PCDHA6: variants seen among roughly 807,000 people sequenced by gnomAD.
The protein encoded by PCDHA6 is protocadherin alpha-6.
In PCDHA6, 55 loss-of-function variants were observed where a neutral mutation model predicts 60.3. That is an observed-to-expected ratio of 0.91 (90% CI 0.73 to 1.14). PCDHA6 has a LOEUF of 1.14. Ranked by LOEUF, PCDHA6 falls within the 50% of genes most tolerant of loss-of-function variation. The probability of loss-of-function intolerance (pLI) is 0.00; values close to 1 mark genes in which losing one functional copy is unlikely to be tolerated. For synonymous variants in PCDHA6, 652 were observed against 557.9 expected (o/e 1.17, Z -2.38); for missense variants, 1,327 against 1,256.5 (o/e 1.06, Z -0.85).
At chr5:140,858,165 C>G in intron 1 of PCDHA6, 1 of 1,597,786 alleles carries the variant, frequency 6.3e-7, no homozygotes, top group Non-Finnish European at 8.6e-7. Flanking sequence ...TGCGCGGTGT[C>G]CAGCTTGCTG....
intron 3 of PCDHA6, among the ~76,000 whole-genome samples, chr5:140,997,125 A>C (rs2097760835): frequency 6.6e-6 from 1 of 152,072 alleles, no homozygotes; most frequent in Admixed American, 6.6e-5. Context: ...CCACATACAC[A>C]ATGCCCCCAC....
At position 140,868,760 on chromosome 5, in the gene PCDHA6, T is replaced by A. The variant is rs554040026; in HGVS notation, c.2394+38275T>A. On this transcript the variant is annotated intron_variant, in intron 1 of 3. Transcript: ENST00000529310. ...AATACAATGCCATTTCCATATATATTTAGTTTCAATATGACTTATAATCTG... is the reference window on the plus strand; with the variant it reads ...AATACAATGCCATTTCCATATATATATAGTTTCAATATGACTTATAATCTG... The A allele has an allele frequency of 3.0e-3, 699 of 232,214 alleles. 6 individuals carry two copies. The highest frequency in any genetic ancestry group is 0.014 in the African/African-American group (640 of 44,274). The allele number at this position is 232,214 out of a possible 1,614,324, so 14.4% of individuals were successfully genotyped here.
Position 140,862,663 on chromosome 5 carries a change from G to A in PCDHA6, c.2394+32178G>A, listed in dbSNP as rs1181876695. ...CACAGTGTCCGCGCGGGACCGGGAC[G>A]CGCAGGAGAACGTGCTGGTGTCCTA... On this transcript the variant is annotated intron_variant, in intron 1 of 3. Coordinates refer to ENST00000529310, the MANE Select transcript of PCDHA6 (RefSeq NM_018909.4). The A allele has an allele frequency of 1.5e-5, 8 of 547,042 alleles. No individual in the cohort carries two copies. In the East Asian group the frequency reaches 4.0e-4, roughly 27 times the overall value. The allele number at this position is 547,042 out of a possible 1,614,324, so 33.9% of individuals were successfully genotyped here.
chr5:140,858,133 C>T, intron 1 of PCDHA6: 1 of 1,597,688 alleles, frequency 6.3e-7, no homozygotes, highest in Non-Finnish European at 8.6e-7. Context: ...TGGATGTCAA[C>T]GTGTACCTGA....
chr5:140,835,433 G>A lies in PCDHA6; in HGVS notation c.2394+4948G>A, dbSNP rs2150235637. 11 of 1,613,904 alleles carry A rather than the reference G, an allele frequency of 6.8e-6. 1 individual carries two copies. The South Asian group carries it at 1.2e-4, about 18-fold the overall frequency. ...ATGTAAATGACAATGCTCCACAGTTGACTCTCACTTCCCTGTCTCTCCCTA... is the reference window on the plus strand; with the variant it reads ...ATGTAAATGACAATGCTCCACAGTTAACTCTCACTTCCCTGTCTCTCCCTA... On this transcript the variant is annotated intron_variant, in intron 1 of 3. Coordinates refer to ENST00000529310, the MANE Select transcript of PCDHA6 (RefSeq NM_018909.4).
rs1417392698 is a variant in PCDHA6 at position 140,999,864 on chromosome 5, T to G, written c.2543-9763T>G. Among the ~76,000 whole-genome samples, 46 of 152,148 alleles carry G rather than the reference T, an allele frequency of 3.0e-4. 1 individual carries two copies. ...TGTATTTATCTCTTCCGCTCCAAGATTACTGAAAATTAGCCCAGCTGTAGC... is the reference window on the plus strand; with the variant it reads ...TGTATTTATCTCTTCCGCTCCAAGAGTACTGAAAATTAGCCCAGCTGTAGC... On this transcript the variant is annotated intron_variant, in intron 3 of 3. Coordinates refer to ENST00000529310, the MANE Select transcript of PCDHA6 (RefSeq NM_018909.4).
At chr5:140,895,485 C>A (rs2065029754) in intron 1 of PCDHA6, among the ~76,000 whole-genome samples, 1 of 152,114 alleles carries the variant, frequency 6.6e-6, no homozygotes, top group African/African-American at 2.4e-5. Flanking sequence ...GGAGAAATAC[C>A]TATTCAGAAC....
intron 1 of PCDHA6, among the ~76,000 whole-genome samples, chr5:140,960,972 T>G (rs936519951): frequency 4.9e-4 from 75 of 152,306 alleles, no homozygotes; most frequent in Non-Finnish European, 2.2e-4. Flanking sequence ...GCAGTTGCAA[T>G]TCTTGTTCCA....
intron 1 of PCDHA6, among the ~76,000 whole-genome samples, chr5:140,913,069 C>G (rs1249708459): frequency 9.2e-5 from 14 of 152,006 alleles, no homozygotes; most frequent in Non-Finnish European, 1.5e-4. Flanking sequence ...TTTGATGTGT[C>G]ATTGTTTGGT....
intron 1 of PCDHA6, among the ~76,000 whole-genome samples, chr5:140,899,834 G>T (rs181729880): frequency 6.6e-6 from 1 of 152,198 alleles, no homozygotes; most frequent in Admixed American, 6.5e-5. Context: ...TTTGAGACAG[G>T]TCTTGCTGTG....
At chr5:140,897,188 A>AT (rs1353420094) in intron 1 of PCDHA6, among the ~76,000 whole-genome samples, 5 of 152,104 alleles carry the variant, frequency 3.3e-5, no homozygotes, top group African/African-American at 7.2e-5. Flanking sequence ...CAAAAAATAT[A>AT]TTTTTTTATT....
At chr5:140,863,709 C>G (rs537647529) in intron 1 of PCDHA6, 1 of 285,634 alleles carries the variant, frequency 3.5e-6, no homozygotes, top group East Asian at 9.1e-5. Context: ...TTAAAGTACA[C>G]TGGGGCCGGG....
chr5:140,842,933 C>A (rs1356851691), intron 1 of PCDHA6: 6 of 1,594,424 alleles, frequency 3.8e-6, no homozygotes, highest in Non-Finnish European at 4.3e-6. Context: ...GGTGAGCGCG[C>A]GCGACGCGGG....
intron 1 of PCDHA6, among the ~76,000 whole-genome samples, chr5:140,890,615 C>A (rs1266338521): frequency 6.6e-6 from 1 of 152,026 alleles, no homozygotes; most frequent in Non-Finnish European, 1.5e-5. Context: ...AGTGCTTACC[C>A]TAGAAAATTA....
intron 1 of PCDHA6, among the ~76,000 whole-genome samples, chr5:140,946,468 C>T (rs1249840749): frequency 1.3e-5 from 2 of 151,720 alleles, no homozygotes; most frequent in Non-Finnish European, 2.9e-5. Flanking sequence ...AATCCCACTA[C>T]TGGGTATATA....
Position 140,946,375 on chromosome 5 carries a change from G to A in PCDHA6, c.2395-32574G>A, listed in dbSNP as rs531638250. Among the ~76,000 whole-genome samples, 14 of 151,710 alleles carry A rather than the reference G, an allele frequency of 9.2e-5. No homozygotes were observed. In the South Asian group the frequency reaches 2.9e-3, roughly 32 times the overall value. On this transcript the variant is annotated intron_variant, in intron 1 of 3. Transcript: ENST00000529310. ...TGGAGAAAAGGGAACTCTTGCACACGGTTGGTAGGAATGTAAATTAGTACA... is the reference window on the plus strand; with the variant it reads ...TGGAGAAAAGGGAACTCTTGCACACAGTTGGTAGGAATGTAAATTAGTACA...
chr5:140,969,554 T>C (rs2096342030), intron 1 of PCDHA6: 12 of 1,222,074 alleles, frequency 9.8e-6, no homozygotes, highest in Non-Finnish European at 1.3e-5. Context: ...TGAAGCCTTG[T>C]CCATAAAATT....
chr5:140,964,949 G>A (rs1322269042), intron 1 of PCDHA6, among the ~76,000 whole-genome samples: 1 of 152,226 alleles, frequency 6.6e-6, no homozygotes, highest in Non-Finnish European at 1.5e-5. Flanking sequence ...TAGTGAGTGT[G>A]CTTGGTTGGT....
intron 1 of PCDHA6, among the ~76,000 whole-genome samples, chr5:140,951,349 T>C (rs1403359324): frequency 1.3e-5 from 2 of 152,144 alleles, no homozygotes; most frequent in Non-Finnish European, 2.9e-5. Flanking sequence ...GTTAGTCCAT[T>C]ATTGCACTGT....
Sources: allele counts gnomAD v4.1 joint callset (sites outside exome capture counted in the v4.1 genomes callset), GRCh38; gene constraint gnomAD v4.1.1; transcripts MANE v1.5; gene names NCBI Gene and HGNC (gene_info 2026-07-23, HGNC 2026-07-21).